ZACN: variants seen among roughly 807,000 people sequenced by gnomAD.
ZACN encodes the protein ligand-gated cation channel ZACN.
Under a neutral mutation model 38.9 loss-of-function variants are expected in ZACN, and 52 were observed. That is an observed-to-expected ratio of 1.34 (90% CI 1.07 to 1.68). ZACN has a LOEUF of 1.68. Ranked by LOEUF, ZACN falls within the 40% of genes most tolerant of loss-of-function variation. ZACN has a pLI of 0.00. For missense variants in ZACN, 559 were observed against 525.6 expected (o/e 1.06, Z -0.62); for synonymous variants, 235 against 227.4 (o/e 1.03, Z -0.30).
Position 76,079,702 on chromosome 17 carries a change from G to A in ZACN, c.223G>A (p.Asp75Asn). The A allele has an allele frequency of 6.8e-6, 11 of 1,613,378 alleles. No homozygotes were observed. Among genetic ancestry groups the A allele is most frequent in the South Asian group, 5.5e-5 (5 of 90,968 alleles). The stretch of plus-strand genomic sequence containing the variant: ...AGGTGATGCATTGCCCTTCCCCCAG[G>A]ACATCCTGCGATACACAATGTCCTC... ...RVFVSNVFNVDILRYTMSSML... is the reference protein window; with the variant it reads ...RVFVSNVFNVNILRYTMSSML... Residue 75 changes from aspartate to asparagine, a missense_variant and splice_region_variant, in exon 3 of 9, where the codon GAC becomes AAC. Physicochemically the swap from Asp to Asn is conservative, Grantham distance 23. Coordinates refer to ENST00000334586, the MANE Select transcript of ZACN (RefSeq NM_180990.4).
intron 5 of ZACN, chr17:76,080,728 C>G (rs73361864): frequency 7.5e-6 from 4 of 532,248 alleles, no homozygotes; most frequent in Non-Finnish European, 1.4e-5. Flanking sequence ...CCCAGAGGTC[C>G]GAGCACATCA....
chr17:76,082,581 G>C lies in ZACN; in HGVS notation c.1167G>C (p.Trp389Cys). ...LCTQFVFAGI[W>C]MWAACKSDAA... ...CCCAATTCGTCTTTGCAGGAATCTG[G>C]ATGTGGGCAGCGTGCAAGTCTGACG... Residue 389 changes from tryptophan to cysteine, a missense_variant, in exon 9 of 9, where the codon TGG becomes TGC. By Grantham distance (215) the Trp-to-Cys change is radical. Transcript: ENST00000334586. 1 of 1,613,704 alleles carries C rather than the reference G, an allele frequency of 6.2e-7. No individual in the cohort carries two copies. The highest frequency in any genetic ancestry group is 1.3e-5 in the African/African-American group (1 of 75,034).
At chr17:76,082,181 C>T in intron 8 of ZACN, 132 bp downstream of exon 8, 1 of 1,139,782 alleles carries the variant, frequency 8.8e-7, no homozygotes, top group South Asian at 1.5e-5. Flanking sequence ...CTGGTCTCCA[C>T]CATGTCCTCC....
rs1202509197 is a variant in ZACN, at chr17:76,082,193, C to G, written c.1048+144C>G. 6.4e-6 allele frequency: 7 copies of G among 1,087,830 alleles called. No individual in the cohort carries two copies. The East Asian group carries it at 1.8e-4, about 28-fold the overall frequency. The allele number at this position is 1,087,830 out of a possible 1,614,324, so 67.4% of individuals were successfully genotyped here. On this transcript the variant is annotated intron_variant, in intron 8 of 8. Transcript: ENST00000334586. ...TCCCTGGTCTCCACCATGTCCTCCT[C>G]CCTTAGAAGAAACAGGTCTGGGGCA...
At position 76,081,568 on chromosome 17, in the gene ZACN, C is replaced by G. The variant is rs770861935; in HGVS notation, c.693C>G (p.Leu231=). 5.0e-5 allele frequency: 81 copies of G among 1,613,712 alleles called. No homozygotes were observed. The highest frequency in any genetic ancestry group is 6.7e-5 in the Non-Finnish European group (79 of 1,180,058). Residue 231 remains leucine, a synonymous_variant, in exon 7 of 9, where the codon CTC becomes CTG. Transcript: ENST00000334586. The part of the protein sequence containing the change: ...QVTLRLKNTA[L]KSIIALLVPA... The stretch of plus-strand genomic sequence containing the variant: ...AGCTGAGGCTGAAGAACACGGCGCT[C>G]AAGTCCATCATCGCTCTCTTGGTGC...
intron 5 of ZACN, 119 bp downstream of exon 5, chr17:76,080,543 C>G: frequency 7.1e-7 from 1 of 1,398,936 alleles, no homozygotes; most frequent in Admixed American, 2.0e-5. Flanking sequence ...CAAAGGCAGA[C>G]AGAAGGCGAA....
intron 4 of ZACN, 126 bp downstream of exon 4, chr17:76,080,120 C>T: frequency 1.0e-5 from 15 of 1,446,782 alleles, no homozygotes; most frequent in Non-Finnish European, 1.4e-5. Flanking sequence ...TAGCAGTGCA[C>T]CTTCACTGCC....
At position 76,079,668 on chromosome 17, in the gene ZACN, C is replaced by T; in HGVS notation, c.223-34C>T. On this transcript the variant is annotated intron_variant, in intron 2 of 8. Coordinates refer to ENST00000334586, the MANE Select transcript of ZACN (RefSeq NM_180990.4). ...CCTGCTGCGTTCTTTCAACACAGCG[C>T]TCACCCTGAGGTGATGCATTGCCCT... 2.5e-6 allele frequency: 4 copies of T among 1,611,548 alleles called. No individual in the cohort carries two copies. The South Asian group carries it at 3.3e-5, about 13-fold the overall frequency.
intron 4 of ZACN, 39 bp downstream of exon 4, chr17:76,080,033 A>G: frequency 6.6e-7 from 1 of 1,514,992 alleles, no homozygotes; most frequent in Non-Finnish European, 8.9e-7. Context: ...TCTGCCATGC[A>G]TAGCCCTCCT....
At position 76,082,585 on chromosome 17, in the gene ZACN, T is replaced by C. The variant is rs1378090801; in HGVS notation, c.1171T>C (p.Trp391Arg). 1 of 1,613,620 alleles carries C rather than the reference T, an allele frequency of 6.2e-7. No homozygotes were observed. The highest frequency in any genetic ancestry group is 2.2e-5 in the East Asian group (1 of 44,872). Residue 391 changes from tryptophan (W) to arginine (R), a missense_variant, in exon 9 of 9, where the codon TGG becomes CGG. Coordinates refer to ENST00000334586, the MANE Select transcript of ZACN (RefSeq NM_180990.4). Reference protein sequence around the residue: ...TQFVFAGIWMWAACKSDAAPG... With the variant: ...TQFVFAGIWMRAACKSDAAPG... ...ATTCGTCTTTGCAGGAATCTGGATG[T>C]GGGCAGCGTGCAAGTCTGACGCAGC...
In ZACN at chr17:76,079,276, A is replaced by G; in HGVS notation, c.12A>G (p.Leu4=). The G allele has an allele frequency of 1.2e-6, 2 of 1,613,330 alleles. No homozygotes were observed. Among genetic ancestry groups the G allele is most frequent in the Non-Finnish European group, 1.7e-6 (2 of 1,179,462 alleles). ...CCTCCGTGCAGCCGATGATGGCCCT[A>G]TGGTCCCTGCTCCATCTCACCTTCC... The part of the protein sequence containing the change: MMA[L]WSLLHLTFLG... Residue 4 remains leucine, a synonymous_variant, in exon 1 of 9, where the codon CTA becomes CTG. Coordinates refer to ENST00000334586, the MANE Select transcript of ZACN (RefSeq NM_180990.4).
At position 76,079,711 on chromosome 17, in the gene ZACN, C is replaced by T. The variant is rs140302218; in HGVS notation, c.232C>T (p.Arg78Ter). 1.7e-5 allele frequency: 28 copies of T among 1,613,388 alleles called. No individual in the cohort carries two copies. Among genetic ancestry groups the T allele is most frequent in the African/African-American group, 1.1e-4 (8 of 74,918 alleles). The change falls in exon 3 of 9, where the codon CGA (arginine) becomes TGA (stop). Residue 78 changes from arginine to a stop codon, truncating the protein, a stop_gained. Transcript: ENST00000334586. LOFTEE classifies it high-confidence loss of function. ...VSNVFNVDIL[R>*]YTMSSMLLLR... Reference sequence around the variant, plus strand: ...ATTGCCCTTCCCCCAGGACATCCTGCGATACACAATGTCCTCCATGCTGCT... The same window carrying T: ...ATTGCCCTTCCCCCAGGACATCCTGTGATACACAATGTCCTCCATGCTGCT...
Position 76,080,001 on chromosome 17 carries a change from G to C in ZACN, c.374+7G>C, listed in dbSNP as rs1380749522. 1 of 1,567,334 alleles carries C rather than the reference G, an allele frequency of 6.4e-7. No homozygotes were observed. The highest frequency in any genetic ancestry group is 1.4e-5 in the African/African-American group (1 of 73,608). On this transcript the variant is annotated splice_region_variant and intron_variant, in intron 4 of 8. Transcript: ENST00000334586. ...GGCTCACCATCCTGGAGGCGTAAGT[G>C]AGACAGTTCCTGCCCCAGGAATCTG...
At position 76,081,686 on chromosome 17, in the gene ZACN, A is replaced by C. The variant is rs1233866181; in HGVS notation, c.811A>C (p.Ser271Arg). 1 of 1,614,068 alleles carries C rather than the reference A, an allele frequency of 6.2e-7. No homozygotes were observed. The highest frequency in any genetic ancestry group is 1.7e-5 in the Admixed American group (1 of 60,022). Residue 271 changes from serine to arginine, a missense_variant, in exon 7 of 9, where the codon AGT becomes CGT. Transcript: ENST00000334586. ...RIGYKVTLLL[S>R]YLVLHSSLVQ... ...AGGCTACAAGGTGACATTGCTGCTG[A>C]GTTACCTCGTCCTCCACTCCTCCCT... is the stretch of plus-strand genomic sequence containing the variant.
At chr17:76,082,093 C>T (rs957914124) in intron 8 of ZACN, 44 bp downstream of exon 8, 19 of 1,548,630 alleles carry the variant, frequency 1.2e-5, no homozygotes, top group African/African-American at 6.9e-5. Flanking sequence ...TAGGTGCACA[C>T]CTAGGGCTGG....
rs926182596 is a variant in ZACN at position 76,080,145 on chromosome 17, C to T, written c.375-110C>T. On this transcript the variant is annotated intron_variant, in intron 4 of 8. Coordinates refer to ENST00000334586, the MANE Select transcript of ZACN (RefSeq NM_180990.4). ...CCTTCACTGCCTCGAATTCCCCTCC[C>T]ACTGCCAGAACTCTGAAAGCAGCTG... 4.1e-6 allele frequency: 6 copies of T among 1,476,318 alleles called. No individual in the cohort carries two copies. The African/African-American group carries it at 7.0e-5, about 17-fold the overall frequency. The allele number at this position is 1,476,318 out of a possible 1,614,324, so 91.5% of individuals were successfully genotyped here. A position where few individuals can be genotyped will look rare whatever the true frequency, so the allele number is the denominator to read the frequency against.
chr17:76,082,145 C>T, intron 8 of ZACN, 96 bp downstream of exon 8: 2 of 1,397,482 alleles, frequency 1.4e-6, no homozygotes, highest in South Asian at 1.3e-5. Context: ...AGGCCCCTTG[C>T]ATCCACCCTG....
chr17:76,081,523 G>A, intron 6 of ZACN, 22 bp from the exon 7 acceptor site: 1 of 1,612,354 alleles, frequency 6.2e-7, no homozygotes, highest in Non-Finnish European at 8.5e-7. Flanking sequence ...CGCCGGGAAG[G>A]CCCTGACTTT....
chr17:76,081,207 G>A (rs2066954685), intron 5 of ZACN, 71 bp from the exon 6 acceptor site: 13 of 1,594,542 alleles, frequency 8.2e-6, no homozygotes, highest in Non-Finnish European at 1.1e-5. Context: ...CTGGGCTCCA[G>A]TCTGCTACCC....
Sources: gnomAD v4.1 joint callset for allele counts on GRCh38, gnomAD v4.1.1 for gene constraint, MANE v1.5 for transcripts, NCBI Gene and HGNC (gene_info 2026-07-23, HGNC 2026-07-21) for gene names.